The following CTIF variants were observed in gnomAD, a reference collection of about 807,000 sequenced individuals.
The protein encoded by CTIF is CBP80/20-dependent translation initiation factor.
In CTIF, 21 loss-of-function variants were observed where a neutral mutation model predicts 66.0. That is an observed-to-expected ratio of 0.32 (90% CI 0.23 to 0.46). The LOEUF (loss-of-function observed/expected upper bound fraction) is 0.46. CTIF is among the 20% of genes least tolerant of loss of function. The probability of loss-of-function intolerance (pLI) is 1.00; values close to 1 mark genes in which losing one functional copy is unlikely to be tolerated. For synonymous variants in CTIF, 345 were observed against 326.4 expected (o/e 1.06, Z -0.62); for missense variants, 739 against 812.7 (o/e 0.91, Z 1.10).
chr18:48,757,495 A>G (rs1908502150), intron 7 of CTIF, among the ~76,000 whole-genome samples: 2 of 152,196 alleles, frequency 1.3e-5, no homozygotes, highest in Admixed American at 1.3e-4. Flanking sequence ...CTGCGTATGC[A>G]TCTTTGCTGG....
chr18:48,857,554 C>A (rs757841340), intron 10 of CTIF, 34 bp from the exon 11 acceptor site: 1 of 1,592,866 alleles, frequency 6.3e-7, no homozygotes, highest in Non-Finnish European at 8.6e-7. Context: ...GGCATGTCTC[C>A]TTCAGTGGTG....
chr18:48,560,558 C>CA (rs1389086580), intron 1 of CTIF, among the ~76,000 whole-genome samples: 1 of 151,802 alleles, frequency 6.6e-6, no homozygotes, highest in Non-Finnish European at 1.5e-5. Flanking sequence ...ACTGGTCTCA[C>CA]AAAAAGGAAT....
chr18:48,560,621 A>C (rs2089136292), intron 1 of CTIF, among the ~76,000 whole-genome samples: 1 of 152,074 alleles, frequency 6.6e-6, no homozygotes, highest in South Asian at 2.1e-4. Context: ...CCCAGGCTGG[A>C]GTACAGTGGT....
At position 48,588,727 on chromosome 18, in the gene CTIF, C is replaced by T. The variant is rs190284713; in HGVS notation, c.-28-30811C>T. ...CCAGTCTTCCTTTATTGCTTTGATC[C>T]AAATTTAAAACAAAGAACACCGCTG... On this transcript the variant is annotated intron_variant, in intron 1 of 11. Transcript: ENST00000256413. Among the ~76,000 whole-genome samples, 170 of 152,308 alleles carry T rather than the reference C, an allele frequency of 1.1e-3. 1 individual carries two copies. Among genetic ancestry groups the T allele is most frequent in the African/African-American group, 3.9e-3 (164 of 41,560 alleles).
chr18:48,544,138 G>A (rs971684362), intron 1 of CTIF, among the ~76,000 whole-genome samples: 1 of 152,218 alleles, frequency 6.6e-6, no homozygotes, highest in Admixed American at 6.5e-5. Context: ...CTCAAGTAAG[G>A]ACAAAACTAC....
chr18:48,790,530 C>T (rs2067769244), intron 9 of CTIF, among the ~76,000 whole-genome samples: 1 of 152,234 alleles, frequency 6.6e-6, no homozygotes, highest in Non-Finnish European at 1.5e-5. Context: ...CAGCCCCCTC[C>T]CCATCCCCCG....
chr18:48,791,819 A>G (rs561156067), intron 9 of CTIF, among the ~76,000 whole-genome samples: 67 of 152,262 alleles, frequency 4.4e-4, no homozygotes, highest in African/African-American at 1.6e-3. Context: ...GCTGGAGTCT[A>G]TCTGTGCCCT....
At chr18:48,609,697 C>T (rs1030780056) in intron 1 of CTIF, among the ~76,000 whole-genome samples, 1 of 152,214 alleles carries the variant, frequency 6.6e-6, no homozygotes, top group African/African-American at 2.4e-5. Context: ...CTGACTCCAG[C>T]CAGGGATATG....
intron 6 of CTIF, among the ~76,000 whole-genome samples, chr18:48,700,369 G>C (rs910638160): frequency 2.6e-5 from 4 of 152,202 alleles, no homozygotes; most frequent in African/African-American, 9.7e-5. Flanking sequence ...TTAGCAGTGT[G>C]AGAACAGGCT....
rs140184619 is a variant in CTIF at position 48,730,517 on chromosome 18, G to A, written c.584+18822G>A. On this transcript the variant is annotated intron_variant, in intron 7 of 11. Transcript: ENST00000256413. ...CTTCTGCGGTGTGAGGGGCTTCTGC[G>A]GTGTGAGGGGCCCCTGTGGTGTGAG... 1.5e-4 allele frequency among the ~76,000 whole-genome samples: 11 copies of A among 74,062 alleles called. 3 individuals are homozygous for A. The highest frequency in any genetic ancestry group is 8.8e-5 in the Non-Finnish European group (3 of 34,236). 48.6% of individuals were successfully genotyped at this position (74,062 alleles called of 152,430 possible).
At chr18:48,667,902 G>A (rs2091462983) in intron 5 of CTIF, among the ~76,000 whole-genome samples, 1 of 152,234 alleles carries the variant, frequency 6.6e-6, no homozygotes, top group Admixed American at 6.5e-5. Flanking sequence ...TCCTGCTGTA[G>A]TGGGGACACA....
intron 6 of CTIF, among the ~76,000 whole-genome samples, chr18:48,701,167 G>A (rs2092079295): frequency 6.6e-6 from 1 of 152,162 alleles, no homozygotes; most frequent in African/African-American, 2.4e-5. Context: ...ATCATGCCCA[G>A]GTGGTTTTTT....
chr18:48,604,168 GTTTTTTTTTTTTTT>G (rs34544217), intron 1 of CTIF, among the ~76,000 whole-genome samples: 7 of 63,264 alleles, frequency 1.1e-4, no homozygotes, highest in African/African-American at 2.2e-4. Flanking sequence ...TTTTTTAAGG[GTTTTTTTTTTTTTT>G]TTTTTTTTTT....
intron 1 of CTIF, among the ~76,000 whole-genome samples, chr18:48,577,703 A>G (rs59662319): frequency 0.22 from 33,817 of 151,968 alleles, 6,965 homozygotes; most frequent in African/African-American, 0.55. Flanking sequence ...CTCCCAAGTA[A>G]CTGGGACCAC....
At chr18:48,718,941 T>A (rs190140489) in intron 7 of CTIF, among the ~76,000 whole-genome samples, 110 of 152,270 alleles carry the variant, frequency 7.2e-4, no homozygotes, top group African/African-American at 2.0e-3. Flanking sequence ...GCCCTCAGCG[T>A]CTGACAGATG....
chr18:48,707,618 T>C (rs1336882835), intron 6 of CTIF, among the ~76,000 whole-genome samples: 1 of 151,864 alleles, frequency 6.6e-6, no homozygotes, highest in Admixed American at 6.6e-5. Flanking sequence ...CTCCTCCTTC[T>C]CCTCTTCCTC....
intron 2 of CTIF, among the ~76,000 whole-genome samples, chr18:48,634,621 G>A (rs1380246287): frequency 6.6e-6 from 1 of 152,232 alleles, no homozygotes; most frequent in Non-Finnish European, 1.5e-5. Flanking sequence ...GCTGCCTGAG[G>A]CATAGAGAGA....
At chr18:48,605,814 C>T (rs2090190652) in intron 1 of CTIF, among the ~76,000 whole-genome samples, 1 of 152,180 alleles carries the variant, frequency 6.6e-6, no homozygotes, top group South Asian at 2.1e-4. Flanking sequence ...CCACTTCATA[C>T]CAGGTCCTGG....
chr18:48,835,315 CTCCAGACAACA>C (rs2068785178), intron 10 of CTIF, among the ~76,000 whole-genome samples: 2 of 152,184 alleles, frequency 1.3e-5, no homozygotes, highest in Admixed American at 1.3e-4. Flanking sequence ...CCACCTGATC[CTCCAGACAACA>C]TGTGTGGCCA....
Sources: allele counts gnomAD v4.1 joint callset (sites outside exome capture counted in the v4.1 genomes callset), GRCh38; gene constraint gnomAD v4.1.1; transcripts MANE v1.5; gene names NCBI Gene and HGNC (gene_info 2026-07-23, HGNC 2026-07-21).